HERC2: variants seen among roughly 807,000 people sequenced by gnomAD.
HERC2 encodes the protein HECT and RLD domain containing E3 ubiquitin protein ligase 2, also known as E3 ubiquitin-protein ligase HERC2.
A neutral mutation model predicts 537.7 loss-of-function variants in HERC2; 102 were observed. That is an observed-to-expected ratio of 0.19 (90% CI 0.16 to 0.22). The LOEUF (loss-of-function observed/expected upper bound fraction) is 0.22. HERC2 is among the 10% of genes least tolerant of loss of function. The pLI is 1.00. For synonymous variants in HERC2, 2,224 were observed against 2,466.2 expected (o/e 0.90, Z 2.91); for missense variants, 4,236 against 6,198.2 (o/e 0.68, Z 10.63).
At chr15:28,255,107 G>A (rs1395154443) in intron 19 of HERC2, among the ~76,000 whole-genome samples, 1 of 152,286 alleles carries the variant, frequency 6.6e-6, no homozygotes, top group African/African-American at 2.4e-5. Context: ...AGGACAAGGT[G>A]GGGGGATCAC....
intron 57 of HERC2, 27 bp downstream of exon 57, chr15:28,182,374 T>G: frequency 1.3e-6 from 2 of 1,526,654 alleles, no homozygotes; most frequent in Non-Finnish European, 1.8e-6. Context: ...TGCCCCACCC[T>G]GCTGGGTCCC....
chr15:28,141,057 G>A (rs1335108086), intron 78 of HERC2, among the ~76,000 whole-genome samples: 1 of 151,674 alleles, frequency 6.6e-6, no homozygotes, highest in Non-Finnish European at 1.5e-5. Context: ...GGCCGACATG[G>A]TGAAAACCTG....
intron 20 of HERC2, among the ~76,000 whole-genome samples, chr15:28,249,297 C>T (rs1434314995): frequency 6.6e-6 from 1 of 152,148 alleles, no homozygotes; most frequent in African/African-American, 2.4e-5. Flanking sequence ...CAGCAGGTGC[C>T]GAGGGCTCAG....
At chr15:28,124,298 T>C (rs1349296162) in intron 84 of HERC2, 64 bp from the exon 85 acceptor site, 1 of 1,127,340 alleles carries the variant, frequency 8.9e-7, no homozygotes, top group East Asian at 2.8e-5. Context: ...CAGTGTGGCA[T>C]CCATTAAGGA....
intron 38 of HERC2, 85 bp downstream of exon 38, chr15:28,218,404 T>A (rs1180733443): frequency 8.4e-7 from 1 of 1,187,118 alleles, no homozygotes; most frequent in African/African-American, 1.7e-5. Flanking sequence ...TCCACACACA[T>A]CCACACCCAC....
intron 2 of HERC2, chr15:28,315,695 G>C: frequency 1.2e-6 from 1 of 809,628 alleles, no homozygotes; most frequent in Non-Finnish European, 2.1e-6. Context: ...TCTGCGCCAT[G>C]AGAGCCAAGT....
intron 69 of HERC2, among the ~76,000 whole-genome samples, chr15:28,160,527 C>T (rs545603543): frequency 6.6e-5 from 10 of 152,324 alleles, no homozygotes; most frequent in East Asian, 5.8e-4. Context: ...TGGGACCCTC[C>T]GAGCCAGGCG....
In HERC2 at chr15:28,167,742, G is replaced by A. The variant is rs757483867; in HGVS notation, c.10499C>T (p.Thr3500Met). 9.9e-6 allele frequency: 16 copies of A among 1,614,008 alleles called. No individual in the cohort carries two copies. Among genetic ancestry groups the A allele is most frequent in the Middle Eastern group, 1.6e-4 (1 of 6,084 alleles). Reference sequence around the variant, plus strand: ...GATGCTTGCGGCTCCCAGGTCATCCGTCACTGGGATAAAAGGCCGAGCGGA... The same window carrying A: ...GATGCTTGCGGCTCCCAGGTCATCCATCACTGGGATAAAAGGCCGAGCGGA... ...SASARPFIPV[T>M]DDLGAASIIA... is the part of the protein sequence containing the mutation. The change falls in exon 68 of 93, where the codon ACG becomes ATG. Residue 3500 changes from threonine to methionine, a missense_variant. Thr to Met is a moderately conservative substitution (Grantham distance 81). Transcript: ENST00000261609.
Position 28,136,118 on chromosome 15 carries a change from G to A in HERC2, c.12016-426C>T, listed in dbSNP as rs200571073. On this transcript the variant is annotated intron_variant, in intron 78 of 92. Coordinates refer to ENST00000261609, the MANE Select transcript of HERC2 (RefSeq NM_004667.6). ...GCAGGGCAGCATATAAACCACAAGGGAAAAAACACCTTTTTTTTTTTTAAT... is the reference window on the plus strand; with the variant it reads ...GCAGGGCAGCATATAAACCACAAGGAAAAAAACACCTTTTTTTTTTTTAAT... Among the ~76,000 whole-genome samples the A allele has an allele frequency of 5.3e-5, 8 of 151,308 alleles. No individual in the cohort carries two copies. In the East Asian group the frequency reaches 5.8e-4, roughly 11 times the overall value.
chr15:28,121,904 G>A (rs1049258494), intron 85 of HERC2, among the ~76,000 whole-genome samples: 1 of 146,318 alleles, frequency 6.8e-6, no homozygotes, highest in Non-Finnish European at 1.5e-5. Flanking sequence ...GCCACTGCCT[G>A]CCATACAGCA....
At position 28,151,561 on chromosome 15, in the gene HERC2, C is replaced by G. The variant is rs554937540; in HGVS notation, c.10900+1116G>C. Among the ~76,000 whole-genome samples, 23 of 152,052 alleles carry G rather than the reference C, an allele frequency of 1.5e-4. No individual in the cohort carries two copies. In the South Asian group the frequency reaches 4.6e-3, roughly 30 times the overall value. On this transcript the variant is annotated intron_variant, in intron 70 of 92. Coordinates refer to ENST00000261609, the MANE Select transcript of HERC2 (RefSeq NM_004667.6). Reference sequence around the variant, plus strand: ...TGAACTCAAAAGAATCCAGGGCAGACCCCAGGTGAAGAGTGGCAACCTACA... The same window carrying G: ...TGAACTCAAAAGAATCCAGGGCAGAGCCCAGGTGAAGAGTGGCAACCTACA...
intron 86 of HERC2, chr15:28,118,208 C>T (rs1347213278): frequency 6.3e-6 from 1 of 159,032 alleles, no homozygotes; most frequent in Non-Finnish European, 1.4e-5. Flanking sequence ...CCAGAGGAGA[C>T]TAGGCTACAA....
Position 28,113,428 on chromosome 15 carries a change from T to A in HERC2, c.14019+145A>T. On this transcript the variant is annotated intron_variant, in intron 91 of 92. Transcript: ENST00000261609. The surrounding 1 kb of genome is among the most constrained non-coding windows in gnomAD (Gnocchi z 7.0). ...CTGGGTGGGCCCACACACAGCCTCC[T>A]GCAGGCGGGTGGAGGGACGCGCTCA... 1 of 1,073,830 alleles carries A rather than the reference T, an allele frequency of 9.3e-7. No individual in the cohort carries two copies. The allele number at this position is 1,073,830 out of a possible 1,614,324, so 66.5% of individuals were successfully genotyped here. A position where few individuals can be genotyped will look rare whatever the true frequency, so the allele number is the denominator to read the frequency against.
In HERC2 at chr15:28,202,519, C is replaced by G; in HGVS notation, c.7308G>C (p.Thr2436=). 1 of 1,182,650 alleles carries G rather than the reference C, an allele frequency of 8.5e-7. No homozygotes were observed. Among genetic ancestry groups the G allele is most frequent in the Non-Finnish European group, 1.2e-6 (1 of 827,610 alleles). 73.3% of individuals were successfully genotyped at this position (1,182,650 alleles called of 1,614,324 possible). A position where few individuals can be genotyped will look rare whatever the true frequency, so the allele number is the denominator to read the frequency against. ...FEDCSSSEAT[T]PVAVQHIRPA... is the part of the protein sequence containing the mutation. ...GGCGGATGTGCTGCACGGCGACAGG[C>G]GTGGTGGCCTCACTGGAGCTGCAGT... Residue 2436 remains threonine, a synonymous_variant, in exon 46 of 93, where the codon ACG becomes ACC. Coordinates refer to ENST00000261609, the MANE Select transcript of HERC2 (RefSeq NM_004667.6).
rs199790436 is a variant in HERC2 at position 28,274,438 on chromosome 15, G to A, written c.653C>T (p.Ala218Val). 33 of 1,609,812 alleles carry A rather than the reference G, an allele frequency of 2.0e-5. No individual in the cohort carries two copies. The South Asian group carries it at 2.2e-4, about 11-fold the overall frequency. ...CTGCAACAGCTCACTGCAGAGGTCC[G>A]CATCCTCGCCTGGGCGCACACACGC... is the stretch of plus-strand genomic sequence containing the variant. ...LRRAWRSGED[A>V]DLCSELLQES... The change falls in exon 7 of 93, where the codon GCG becomes GTG. Residue 218 changes from alanine to valine, a missense_variant. Ala to Val is a moderately conservative substitution (Grantham distance 64). Transcript: ENST00000261609.
chr15:28,184,643 C>T (rs1181270798), intron 56 of HERC2, among the ~76,000 whole-genome samples: 1 of 151,964 alleles, frequency 6.6e-6, no homozygotes, highest in African/African-American at 2.4e-5. Flanking sequence ...AGGCGGATTA[C>T]GAGGTCAGGA....
Position 28,209,638 on chromosome 15 carries a change from A to C in HERC2, c.7069+1364T>G, listed in dbSNP as rs529308048. On this transcript the variant is annotated intron_variant, in intron 44 of 92. Transcript: ENST00000261609. ...GATTACAGGCATGAGCCACCGCGCC[A>C]GGCCTATATATCATTTATATTTTTA... 1.0e-3 allele frequency among the ~76,000 whole-genome samples: 159 copies of C among 152,238 alleles called. 1 individual carries two copies. Among genetic ancestry groups the C allele is most frequent in the African/African-American group, 2.1e-3 (87 of 41,548 alleles).
chr15:28,182,618 T>A, intron 56 of HERC2, 106 bp from the exon 57 acceptor site: 2 of 851,726 alleles, frequency 2.3e-6, no homozygotes, highest in Non-Finnish European at 1.8e-6. Context: ...GTTTTATGGT[T>A]ACTTTCAGAA....
chr15:28,209,096 T>A (rs558966930), intron 44 of HERC2, among the ~76,000 whole-genome samples: 3 of 152,270 alleles, frequency 2.0e-5, no homozygotes, highest in Admixed American at 6.5e-5. Context: ...GGGTCACTAT[T>A]TCACTAAACA....
Sources: gnomAD v4.1 joint callset for allele counts (sites outside exome capture counted in the v4.1 genomes callset) on GRCh38, gnomAD v4.1.1 for gene constraint, Gnocchi (gnomAD v3.1) non-coding constraint, MANE v1.5 for transcripts, NCBI Gene and HGNC (gene_info 2026-07-23, HGNC 2026-07-21) for gene names.